Variants in SMOC2 observed in about 807,000 individuals in gnomAD.
SMOC2 encodes SPARC-related modular calcium-binding protein 2.
Under a neutral mutation model 61.4 loss-of-function variants are expected in SMOC2, and 39 were observed. The observed-to-expected ratio is 0.64, with a 90% CI of 0.49 to 0.83. The LOEUF (loss-of-function observed/expected upper bound fraction) is 0.83. Among genes scored for constraint, SMOC2 ranks in the 40% least tolerant of loss-of-function variants. The pLI, the probability that SMOC2 is intolerant of heterozygous loss-of-function variation, is 0.00. For synonymous variants in SMOC2, 247 were observed against 239.9 expected (o/e 1.03, Z -0.27); for missense variants, 556 against 592.9 (o/e 0.94, Z 0.65).
chr6:168,559,024 A>G (rs944902719), intron 7 of SMOC2, among the ~76,000 whole-genome samples: 1 of 152,250 alleles, frequency 6.6e-6, no homozygotes, highest in South Asian at 2.1e-4. Context: ...TTGAGAAATC[A>G]GGTACTGGAA....
intron 1 of SMOC2, among the ~76,000 whole-genome samples, chr6:168,505,494 T>A (rs532668523): frequency 6.6e-6 from 1 of 151,776 alleles, no homozygotes; most frequent in South Asian, 2.1e-4. Context: ...GAATGGAATG[T>A]CCGTCTCTCA....
chr6:168,636,605 A>G (rs1583177320), intron 9 of SMOC2, among the ~76,000 whole-genome samples: 2 of 152,234 alleles, frequency 1.3e-5, no homozygotes, highest in East Asian at 3.8e-4. Context: ...AGGAGTACAC[A>G]CTCACAACAT....
chr6:168,521,634 A>C lies in SMOC2; in HGVS notation c.257-4712A>C, dbSNP rs187085730. On this transcript the variant is annotated intron_variant, in intron 2 of 12. Transcript: ENST00000356284. ...CTAGGCGTGGGGGCTCATGCCTGTAATCCCAGCATTCTGGGAGGCGGGAGG... is the reference window on the plus strand; with the variant it reads ...CTAGGCGTGGGGGCTCATGCCTGTACTCCCAGCATTCTGGGAGGCGGGAGG... 2.0e-5 allele frequency among the ~76,000 whole-genome samples: 3 copies of C among 152,300 alleles called. No individual in the cohort carries two copies. The East Asian group carries it at 5.8e-4, about 29-fold the overall frequency.
intron 7 of SMOC2, among the ~76,000 whole-genome samples, chr6:168,586,684 C>T (rs562519996): frequency 6.6e-6 from 1 of 152,232 alleles, no homozygotes; most frequent in East Asian, 1.9e-4. Flanking sequence ...ATGTATTGTA[C>T]ATCTTTGATA....
chr6:168,509,502 C>T (rs770450882), intron 1 of SMOC2, among the ~76,000 whole-genome samples: 9 of 152,166 alleles, frequency 5.9e-5, no homozygotes, highest in Non-Finnish European at 1.0e-4. Context: ...TCCTGATACT[C>T]GTCACTTCCA....
intron 7 of SMOC2, among the ~76,000 whole-genome samples, chr6:168,559,189 C>T (rs1357786369): frequency 2.0e-5 from 3 of 152,164 alleles, no homozygotes; most frequent in African/African-American, 7.2e-5. Context: ...GGTGTGGTGT[C>T]TCGTGCCTGT....
chr6:168,470,904 T>C (rs1383427459), intron 1 of SMOC2, among the ~76,000 whole-genome samples: 2 of 152,128 alleles, frequency 1.3e-5, no homozygotes, highest in African/African-American at 4.8e-5. Context: ...TAGATTTTCT[T>C]CACTGTCATT....
rs115027062 is a variant in SMOC2 at position 168,634,324 on chromosome 6, G to A, written c.908-16357G>A. ...GTTATTGTGAGATTTGGATGAGACC[G>A]TGTCTGTAACTTTGCATGGCACAGG... On this transcript the variant is annotated intron_variant, in intron 9 of 12. Coordinates refer to ENST00000356284, the MANE Select transcript of SMOC2 (RefSeq NM_001166412.2). Among the ~76,000 whole-genome samples, 884 of 152,276 alleles carry A rather than the reference G, an allele frequency of 5.8e-3. 14 individuals are homozygous for A. The highest frequency in any genetic ancestry group is 0.02 in the African/African-American group (830 of 41,558).
chr6:168,650,344 G>A (rs776090436), intron 9 of SMOC2, among the ~76,000 whole-genome samples: 2 of 152,132 alleles, frequency 1.3e-5, no homozygotes, highest in Non-Finnish European at 2.9e-5. Flanking sequence ...CGTGCACTCC[G>A]TATGTCCCGT....
At chr6:168,585,804 C>G (rs1036675251) in intron 7 of SMOC2, among the ~76,000 whole-genome samples, 1 of 152,212 alleles carries the variant, frequency 6.6e-6, no homozygotes, top group African/African-American at 2.4e-5. Context: ...ACACATCTTT[C>G]ATTTTGTCAT....
intron 2 of SMOC2, among the ~76,000 whole-genome samples, chr6:168,519,025 A>G (rs369161001): frequency 1.3e-5 from 1 of 76,116 alleles, no homozygotes; most frequent in Admixed American, 1.2e-4. Context: ...GCATGCGAAC[A>G]TGTGTGTGTA....
chr6:168,548,456 C>G (rs186707205), intron 6 of SMOC2, among the ~76,000 whole-genome samples: 49 of 151,074 alleles, frequency 3.2e-4, no homozygotes, highest in African/African-American at 1.1e-3. Context: ...CTCCTGGGCT[C>G]AAGCGATTCT....
In SMOC2 at chr6:168,527,669, G is replaced by A. The variant is rs780892063; in HGVS notation, c.405G>A (p.Thr135=). 2.1e-5 allele frequency: 33 copies of A among 1,552,448 alleles called. 1 individual carries two copies. Among genetic ancestry groups the A allele is most frequent in the African/African-American group, 1.4e-4 (10 of 73,242 alleles). Residue 135 remains threonine, a synonymous_variant, in exon 4 of 13, where the codon ACG becomes ACA. Transcript: ENST00000356284. The part of the protein sequence containing the change: ...HSYTGYCWCV[T]PNGRPISGTA... The stretch of plus-strand genomic sequence containing the variant: ...ACACGGGATACTGCTGGTGCGTCAC[G>A]CCCAACGGGAGGCCCATCAGCGGCA...
chr6:168,625,884 G>A (rs80203448), intron 9 of SMOC2, among the ~76,000 whole-genome samples: 4,196 of 152,376 alleles, frequency 0.028, 217 homozygotes, highest in African/African-American at 0.096. Context: ...GCCTAGAGGC[G>A]AGGGGCCTCG....
At chr6:168,660,768 G>A (rs192167579) in intron 11 of SMOC2, among the ~76,000 whole-genome samples, 4 of 152,250 alleles carry the variant, frequency 2.6e-5, no homozygotes, top group Admixed American at 1.3e-4. Flanking sequence ...GGCCCGAGCC[G>A]CAGTGTGGGG....
intron 7 of SMOC2, among the ~76,000 whole-genome samples, chr6:168,558,705 G>A (rs1440895837): frequency 1.3e-5 from 2 of 152,362 alleles, no homozygotes; most frequent in South Asian, 2.1e-4. Context: ...TACTGGACTC[G>A]GCAAATAGGG....
intron 7 of SMOC2, among the ~76,000 whole-genome samples, chr6:168,562,334 C>G (rs1166047678): frequency 1.4e-4 from 18 of 126,064 alleles, no homozygotes; most frequent in African/African-American, 6.4e-4. Context: ...ACGAGGCTCT[C>G]ACTGTGTTCT....
chr6:168,480,746 A>ACT, intron 1 of SMOC2, among the ~76,000 whole-genome samples: 1 of 152,252 alleles, frequency 6.6e-6, no homozygotes, highest in Middle Eastern at 3.4e-3. Context: ...AGCTCAATGT[A>ACT]CTCTAAGAAA....
At chr6:168,575,027 G>T (rs1333202308) in intron 7 of SMOC2, among the ~76,000 whole-genome samples, 1 of 152,198 alleles carries the variant, frequency 6.6e-6, no homozygotes, top group South Asian at 2.1e-4. Context: ...TAGGTATTCT[G>T]TCTTTGTCAG....
Sources: allele counts gnomAD v4.1 joint callset (sites outside exome capture counted in the v4.1 genomes callset), GRCh38; gene constraint gnomAD v4.1.1; transcripts MANE v1.5; gene names NCBI Gene and HGNC (gene_info 2026-07-23, HGNC 2026-07-21).